The following ZNF469 variants were observed in gnomAD, a reference collection of about 807,000 sequenced individuals.
The protein encoded by ZNF469 is zinc finger protein 469.
In ZNF469, 1 loss-of-function variant was observed where a neutral mutation model predicts 1.0. The observed-to-expected ratio is 1.00, with a 90% CI of 0.35 to 4.73. ZNF469 has a LOEUF of 4.73. Ranked by LOEUF, ZNF469 falls within the 30% of genes most tolerant of loss-of-function variation. The pLI is 0.16. For missense variants in ZNF469, 6,100 were observed against 5,356.3 expected (o/e 1.14, Z -4.33); for synonymous variants, 2,703 against 2,363.4 (o/e 1.14, Z -4.17).
chr16:88,167,110 G>A, the ZNF469 span, among the ~76,000 whole-genome samples: 2 of 137,862 alleles, frequency 1.5e-5, no homozygotes, highest in African/African-American at 5.5e-5. Context: ...CCTCCAGGCT[G>A]GAGTGCAGTG....
chr16:88,433,475 A>C lies in ZNF469; in HGVS notation c.6005A>C (p.Gln2002Pro). The change falls in exon 3 of 3, where the codon CAG becomes CCG. Residue 2002 changes from glutamine (Q) to proline (P), a missense_variant. Transcript: ENST00000565624. ...TQGQGTANQLQPENGVSPGGT... is the reference protein window; with the variant it reads ...TQGQGTANQLPPENGVSPGGT... ...GGCCAAGGCACAGCCAACCAGCTTC[A>C]GCCAGAGAACGGGGTGAGCCCAGGG... The C allele has an allele frequency of 6.4e-7, 1 of 1,550,424 alleles. No individual in the cohort carries two copies.
the ZNF469 span, among the ~76,000 whole-genome samples, chr16:88,194,077 C>G: frequency 1.3e-5 from 2 of 152,340 alleles, no homozygotes; most frequent in African/African-American, 4.8e-5. Flanking sequence ...GGTGCAATCA[C>G]TCTTTAAGCT....
chr16:88,182,076 A>G, the ZNF469 span, among the ~76,000 whole-genome samples: 158 of 152,370 alleles, frequency 1.0e-3, no homozygotes, highest in African/African-American at 3.5e-3. Flanking sequence ...TTGTATTTCC[A>G]TATACTAGCA....
the ZNF469 span, among the ~76,000 whole-genome samples, chr16:88,257,253 C>T: frequency 4.6e-5 from 7 of 151,996 alleles, no homozygotes; most frequent in Non-Finnish European, 7.4e-5. Context: ...CGTGAGCCAC[C>T]GTGCCCAGCC....
At chr16:88,250,483 G>C in the ZNF469 span, among the ~76,000 whole-genome samples, 41 of 152,214 alleles carry the variant, frequency 2.7e-4, 1 homozygote, top group Middle Eastern at 3.4e-3. Context: ...TCCTGCCCGG[G>C]CTTCACTGAG....
rs1168993589 is a variant in ZNF469, at chr16:88,433,399, C to A, written c.5929C>A (p.Leu1977Met). Residue 1977 changes from leucine to methionine, a missense_variant, in exon 3 of 3, where the codon CTG becomes ATG. Physicochemically the swap from Leu to Met is conservative, Grantham distance 15. Coordinates refer to ENST00000565624, the MANE Select transcript of ZNF469 (RefSeq NM_001367624.2). ...TGCAGTGGCCGGACATCAGCTGGGG[C>A]TGGAGGCAGATGGACATTGGGGCTT... ...LPAVAGHQLG[L>M]EADGHWGLLG... 4.5e-6 allele frequency: 7 copies of A among 1,550,216 alleles called. No homozygotes were observed. The highest frequency in any genetic ancestry group is 6.1e-6 in the Non-Finnish European group (7 of 1,146,958).
the ZNF469 span, among the ~76,000 whole-genome samples, chr16:88,335,215 C>G: frequency 6.6e-6 from 1 of 152,158 alleles, no homozygotes; most frequent in Non-Finnish European, 1.5e-5. Flanking sequence ...TCCACCACCC[C>G]AAAACTCAGA....
the ZNF469 span, among the ~76,000 whole-genome samples, chr16:88,137,031 A>G: frequency 6.6e-6 from 1 of 152,194 alleles, no homozygotes; most frequent in African/African-American, 2.4e-5. Context: ...TGTGCATACA[A>G]CCATGTGTGC....
At position 88,428,295 on chromosome 16, in the gene ZNF469, C is replaced by T; in HGVS notation, c.825C>T (p.Phe275=). The T allele has an allele frequency of 6.5e-7, 1 of 1,550,380 alleles. No homozygotes were observed. The highest frequency in any genetic ancestry group is 8.7e-7 in the Non-Finnish European group (1 of 1,146,944). The change falls in exon 3 of 3, where the codon TTC becomes TTT. Residue 275 remains phenylalanine (F), a synonymous_variant. Transcript: ENST00000565624. ...GCCCCAGGGGAGTTTCCTTCCAGTT[C>T]CCCTTCCCGGCACTGCATGGGGCCA... ...GGSPRGVSFQ[F]PFPALHGAST... is the part of the protein sequence containing the mutation.
the ZNF469 span, chr16:88,234,917 T>G: frequency 5.3e-5 from 8 of 152,228 alleles, no homozygotes; most frequent in Non-Finnish European, 1.0e-4. Flanking sequence ...ATGTTCCCCC[T>G]TGGCCCTGGG....
chr16:88,103,627 T>C, the ZNF469 span, among the ~76,000 whole-genome samples: 1 of 152,084 alleles, frequency 6.6e-6, no homozygotes, highest in Admixed American at 6.5e-5. Context: ...AATCAGATCA[T>C]CTTCTCACCC....
In ZNF469 at chr16:88,424,955, G is replaced by T. The variant is rs943204284; in HGVS notation, c.-127+84G>T. Among the ~76,000 whole-genome samples the T allele has an allele frequency of 7.0e-6, 1 of 143,526 alleles. No individual in the cohort carries two copies. Among genetic ancestry groups the T allele is most frequent in the Non-Finnish European group, 1.5e-5 (1 of 65,346 alleles). 94.2% of individuals were successfully genotyped at this position (143,526 alleles called of 152,430 possible). A position where few individuals can be genotyped will look rare whatever the true frequency, so the allele number is the denominator to read the frequency against. ...CCTGAGGCCCCCTCCGCCCCCACCCGCCCGGCCTTCCTCTCCCTCTCAGGA... is the reference window on the plus strand; with the variant it reads ...CCTGAGGCCCCCTCCGCCCCCACCCTCCCGGCCTTCCTCTCCCTCTCAGGA... On this transcript the variant is annotated intron_variant, in intron 2 of 2. Transcript: ENST00000565624. This position sits in a 1 kb window ranked among gnomAD's most constrained non-coding sequence, Gnocchi z 4.3.
At chr16:88,213,243 C>T in the ZNF469 span, among the ~76,000 whole-genome samples, 28 of 152,062 alleles carry the variant, frequency 1.8e-4, no homozygotes, top group African/African-American at 3.4e-4. Context: ...GGACTACAGG[C>T]GCCCGCCACC....
chr16:88,297,364 A>G, the ZNF469 span, among the ~76,000 whole-genome samples: 1 of 152,176 alleles, frequency 6.6e-6, no homozygotes, highest in Non-Finnish European at 1.5e-5. Flanking sequence ...GACAAGGCTC[A>G]GCCACCCTCC....
the ZNF469 span, among the ~76,000 whole-genome samples, chr16:88,233,135 G>A: frequency 1.1e-4 from 16 of 152,242 alleles, no homozygotes; most frequent in Non-Finnish European, 2.1e-4. Context: ...GTGGGGAACT[G>A]AGGCCGTGTG....
At chr16:88,337,871 A>G in the ZNF469 span, among the ~76,000 whole-genome samples, 3 of 152,172 alleles carry the variant, frequency 2.0e-5, no homozygotes, top group South Asian at 2.1e-4. Flanking sequence ...TGCTCTGTGT[A>G]TATGCTGGAC....
At chr16:88,127,435 T>C in the ZNF469 span, among the ~76,000 whole-genome samples, 1 of 152,268 alleles carries the variant, frequency 6.6e-6, no homozygotes, top group Non-Finnish European at 1.5e-5. Context: ...TTCTATTTGG[T>C]CAGTTGACTC....
the ZNF469 span, among the ~76,000 whole-genome samples, chr16:88,182,647 C>T: frequency 1.1e-4 from 17 of 152,010 alleles, no homozygotes; most frequent in Non-Finnish European, 1.9e-4. Context: ...GATAAAGATA[C>T]TCTTTCCAAC....
At chr16:88,260,879 CAGAA>C in the ZNF469 span, among the ~76,000 whole-genome samples, 5 of 152,058 alleles carry the variant, frequency 3.3e-5, no homozygotes, top group Non-Finnish European at 5.9e-5. This position sits in a 1 kb window ranked among gnomAD's most constrained non-coding sequence, Gnocchi z 4.1. Context: ...TAAGAGGGAA[CAGAA>C]AGAAGTTTAA....
Sources: allele counts gnomAD v4.1 joint callset (sites outside exome capture counted in the v4.1 genomes callset), GRCh38; gene constraint gnomAD v4.1.1; non-coding constraint Gnocchi (gnomAD v3.1); transcripts MANE v1.5; gene names NCBI Gene and HGNC (gene_info 2026-07-23, HGNC 2026-07-21).